SCAF8: variants seen among roughly 807,000 people sequenced by gnomAD.
The protein encoded by SCAF8 is SR-related and CTD-associated factor 8.
SCAF8 carries 23 observed loss-of-function variants against 140.5 expected under a neutral mutation model. The ratio of observed to expected loss-of-function variants is 0.16; its 90% CI spans 0.12 to 0.23. The LOEUF (loss-of-function observed/expected upper bound fraction) is 0.23. Ranked by LOEUF, SCAF8 falls within the 10% of genes least tolerant of loss-of-function variation. SCAF8 has a pLI of 1.00. For missense variants in SCAF8, 1,397 were observed against 1,555.7 expected (o/e 0.90, Z 1.72); for synonymous variants, 575 against 528.9 (o/e 1.09, Z -1.20).
At position 154,832,569 on chromosome 6, in the gene SCAF8, C is replaced by G; in HGVS notation, c.2990C>G (p.Pro997Arg). The change falls in exon 20 of 20, where the codon CCA becomes CGA. Residue 997 changes from proline to arginine, a missense_variant. Pro to Arg is a moderately radical substitution (Grantham distance 103). Transcript: ENST00000367178. ...GRQSVDNVTN[P>R]EKRIPLGNDN... Reference sequence around the variant, plus strand: ...CAAAGCGTAGACAATGTTACTAACCCAGAAAAAAGGATACCACTTGGGAAT... The same window carrying G: ...CAAAGCGTAGACAATGTTACTAACCGAGAAAAAAGGATACCACTTGGGAAT... The G allele has an allele frequency of 6.2e-7, 1 of 1,613,874 alleles. No homozygotes were observed. The highest frequency in any genetic ancestry group is 8.5e-7 in the Non-Finnish European group (1 of 1,179,942).
intron 12 of SCAF8, among the ~76,000 whole-genome samples, chr6:154,815,414 T>C (rs887955020): frequency 6.6e-5 from 10 of 152,210 alleles, no homozygotes; most frequent in African/African-American, 2.4e-4. Flanking sequence ...GTTCCTGTCT[T>C]TGACACTGCA....
chr6:154,810,537 T>C (rs1778060007), intron 12 of SCAF8, among the ~76,000 whole-genome samples: 1 of 152,206 alleles, frequency 6.6e-6, no homozygotes. Flanking sequence ...TTAGCAATTA[T>C]GGCCACCAGG....
intron 11 of SCAF8, among the ~76,000 whole-genome samples, chr6:154,809,554 C>T (rs1778026157): frequency 1.3e-5 from 2 of 152,100 alleles, no homozygotes; most frequent in African/African-American, 4.8e-5. Flanking sequence ...AGCTCAATGG[C>T]ATGTGGTTGA....
chr6:154,766,144 C>G (rs918444817), intron 1 of SCAF8, among the ~76,000 whole-genome samples: 18 of 152,018 alleles, frequency 1.2e-4, no homozygotes, highest in African/African-American at 4.3e-4. Flanking sequence ...AGAAGTAGGT[C>G]ATCATAAAAA....
chr6:154,758,438 G>A (rs1779019248), intron 1 of SCAF8, among the ~76,000 whole-genome samples: 1 of 152,092 alleles, frequency 6.6e-6, no homozygotes, highest in Non-Finnish European at 1.5e-5. Flanking sequence ...CTAGGAATTG[G>A]GCAGTGGTTT....
intron 6 of SCAF8, among the ~76,000 whole-genome samples, chr6:154,796,389 C>CTCTCTCTCTCTCTCTCTG (rs376622207): frequency 6.0e-4 from 84 of 141,042 alleles, no homozygotes; most frequent in Admixed American, 1.4e-3. Context: ...CTCTCTCTCT[C>CTCTCTCTCTCTCTCTCTG]TCTGTCTCTC....
chr6:154,814,936 T>C (rs915211857), intron 12 of SCAF8, among the ~76,000 whole-genome samples: 3 of 152,202 alleles, frequency 2.0e-5, no homozygotes, highest in African/African-American at 7.2e-5. Context: ...GATAAGATGC[T>C]GTTTTTAGAT....
rs1778761321 is a variant in SCAF8 at position 154,832,119 on chromosome 6, A to G, written c.2540A>G (p.Asn847Ser). 1 of 1,614,122 alleles carries G rather than the reference A, an allele frequency of 6.2e-7. No individual in the cohort carries two copies. Among genetic ancestry groups the G allele is most frequent in the Non-Finnish European group, 8.5e-7 (1 of 1,179,998 alleles). ...SSGIIAAQPP[N>S]ILNNSGILGI... ...GGGATTATTGCAGCCCAACCACCAA[A>G]TATTCTAAATAACTCTGGAATATTG... is the stretch of plus-strand genomic sequence containing the variant. The change falls in exon 20 of 20, where the codon AAT becomes AGT. Residue 847 changes from asparagine (N) to serine (S), a missense_variant. By Grantham distance (46) the Asn-to-Ser change is conservative. Around this residue, in one of 5 missense-constraint regions of SCAF8, gnomAD observed 930 missense variants for 874.6 expected, o/e 1.06. Coordinates refer to ENST00000367178, the MANE Select transcript of SCAF8 (RefSeq NM_014892.5).
chr6:154,733,622 C>CCCCTCCCCCGCCCGCCGCCGA lies in SCAF8; in HGVS notation c.-275_-255dup. The CCCCTCCCCCGCCCGCCGCCGA allele has an allele frequency of 7.7e-7, 1 of 1,295,082 alleles. No homozygotes were observed. 80.2% of individuals were successfully genotyped at this position (1,295,082 alleles called of 1,614,324 possible). A position where few individuals can be genotyped will look rare whatever the true frequency, so the allele number is the denominator to read the frequency against. On this transcript the variant is annotated 5_prime_UTR_variant, in exon 1 of 20. Transcript: ENST00000367178. ...GAGAAGAGAAGGCGCCGCGGCCCAGCCCCTCCCCCGCCCGCCGCCGACCCG... is the reference window on the plus strand; with the variant it reads ...GAGAAGAGAAGGCGCCGCGGCCCAGCCCCTCCCCCGCCCGCCGCCGACCCTCCCCCGCCCGCCGCCGACCCG...
chr6:154,757,265 G>A (rs1778989757), intron 1 of SCAF8, among the ~76,000 whole-genome samples: 1 of 152,114 alleles, frequency 6.6e-6, no homozygotes, highest in South Asian at 2.1e-4. Context: ...AAAGTGCTGG[G>A]ATTATAGGCA....
chr6:154,777,423 C>T (rs1205272098), intron 2 of SCAF8, among the ~76,000 whole-genome samples: 1 of 152,076 alleles, frequency 6.6e-6, no homozygotes, highest in Non-Finnish European at 1.5e-5. Context: ...TCTACATGTT[C>T]ACTTCCGCTG....
rs916967629 is a variant in SCAF8 at position 154,733,534 on chromosome 6, A to G, written c.-367A>G. On this transcript the variant is annotated 5_prime_UTR_variant, in exon 1 of 20. Coordinates refer to ENST00000367178, the MANE Select transcript of SCAF8 (RefSeq NM_014892.5). ...ACAGGAGCCCGTCGGAGGAAGGGGCAGAAGGGAGTGGAGAGTGTAGGGGAA... is the reference window on the plus strand; with the variant it reads ...ACAGGAGCCCGTCGGAGGAAGGGGCGGAAGGGAGTGGAGAGTGTAGGGGAA... 8.4e-6 allele frequency: 11 copies of G among 1,304,598 alleles called. No homozygotes were observed. The African/African-American group carries it at 1.5e-4, about 18-fold the overall frequency. The allele number at this position is 1,304,598 out of a possible 1,614,324, so 80.8% of individuals were successfully genotyped here.
At chr6:154,822,987 T>C (rs1010885702) in intron 16 of SCAF8, among the ~76,000 whole-genome samples, 6 of 152,182 alleles carry the variant, frequency 3.9e-5, no homozygotes, top group African/African-American at 1.4e-4. Flanking sequence ...AACAGAATGG[T>C]GAGGATAGAC....
At chr6:154,777,849 A>G (rs41292922) in intron 2 of SCAF8, 152 bp from the exon 3 acceptor site, 12,782 of 609,196 alleles carry the variant, frequency 0.021, 174 homozygotes, top group African/African-American at 0.025. Flanking sequence ...AGTTGCATAT[A>G]AAGGTGAGTG....
intron 1 of SCAF8, among the ~76,000 whole-genome samples, chr6:154,748,446 T>C (rs1562424767): frequency 6.6e-6 from 1 of 152,208 alleles, no homozygotes; most frequent in African/African-American, 2.4e-5. Flanking sequence ...GCTCAAGAAC[T>C]GTTTGCAGAT....
rs573960213 is a variant in SCAF8, at chr6:154,768,335, G to A, written c.31-5654G>A. ...GTCTGTGGTGGTATTCAAGGTTCAT[G>A]TTACTCCACTAAACATAATGAAAAA... On this transcript the variant is annotated intron_variant, in intron 1 of 19. Coordinates refer to ENST00000367178, the MANE Select transcript of SCAF8 (RefSeq NM_014892.5). Among the ~76,000 whole-genome samples the A allele has an allele frequency of 7.2e-5, 11 of 152,278 alleles. No individual in the cohort carries two copies. The East Asian group carries it at 2.1e-3, about 29-fold the overall frequency.
intron 3 of SCAF8, among the ~76,000 whole-genome samples, chr6:154,784,138 T>G (rs1388324298): frequency 1.9e-4 from 16 of 86,472 alleles, no homozygotes; most frequent in Non-Finnish European, 3.3e-4. Flanking sequence ...TATATATATA[T>G]ATATATATAT....
Position 154,797,635 on chromosome 6 carries a change from C to T in SCAF8, c.606+2496C>T, listed in dbSNP as rs755153105. ...GGTCTTGATCTCCTGACCTTGTGAT[C>T]TGCCCGCCTCTGCCTCCCAAAGTGC... On this transcript the variant is annotated intron_variant, in intron 6 of 19. Coordinates refer to ENST00000367178, the MANE Select transcript of SCAF8 (RefSeq NM_014892.5). Among the ~76,000 whole-genome samples the T allele has an allele frequency of 2.6e-4, 39 of 151,382 alleles. 1 individual carries two copies. Among genetic ancestry groups the T allele is most frequent in the Non-Finnish European group, 3.5e-4 (24 of 67,712 alleles).
intron 1 of SCAF8, among the ~76,000 whole-genome samples, chr6:154,746,998 A>G (rs1352998673): frequency 6.6e-6 from 1 of 152,224 alleles, no homozygotes; most frequent in African/African-American, 2.4e-5. Flanking sequence ...TTCAGATAAC[A>G]TTCTAAAATT....
Sources: allele counts gnomAD v4.1 joint callset (sites outside exome capture counted in the v4.1 genomes callset), GRCh38; gene constraint gnomAD v4.1.1; regional missense constraint gnomAD v4.1.1; transcripts MANE v1.5; gene names NCBI Gene and HGNC (gene_info 2026-07-23, HGNC 2026-07-21).